SLC6A17: variants seen among roughly 807,000 people sequenced by gnomAD.
SLC6A17 encodes solute carrier family 6 member 17.
In SLC6A17, 21 loss-of-function variants were observed where a neutral mutation model predicts 64.5. The ratio of observed to expected loss-of-function variants is 0.33; its 90% CI spans 0.23 to 0.47. The LOEUF is 0.47. Among genes scored for constraint, SLC6A17 ranks in the 20% least tolerant of loss-of-function variants. The probability of loss-of-function intolerance (pLI) is 1.00; values close to 1 mark genes in which losing one functional copy is unlikely to be tolerated. For missense variants in SLC6A17, 682 were observed against 963.2 expected (o/e 0.71, Z 3.86); for synonymous variants, 372 against 399.5 (o/e 0.93, Z 0.82).
chr1:110,173,893 G>GAC, intron 3 of SLC6A17, 80 bp from the exon 4 acceptor site: 1 of 1,558,110 alleles, frequency 6.4e-7, no homozygotes, highest in Non-Finnish European at 8.7e-7. Context: ...CGCTGCCGAC[G>GAC]TGCTGGGCCT....
At chr1:110,175,091 G>T (rs1656339589) in intron 5 of SLC6A17, 131 bp downstream of exon 5, 1 of 1,170,428 alleles carries the variant, frequency 8.5e-7, no homozygotes, top group Non-Finnish European at 1.2e-6. Context: ...CCAGAGGAGG[G>T]TGTGGAAGTA....
At chr1:110,187,550 A>G (rs933837245) in intron 6 of SLC6A17, among the ~76,000 whole-genome samples, 2 of 152,240 alleles carry the variant, frequency 1.3e-5, no homozygotes, top group Non-Finnish European at 2.9e-5. Context: ...CTAAGGAGGC[A>G]GCTTTAGGCT....
intron 8 of SLC6A17, 30 bp from the exon 9 acceptor site, chr1:110,194,549 C>T: frequency 6.2e-7 from 1 of 1,606,348 alleles, no homozygotes; most frequent in Non-Finnish European, 8.5e-7. Context: ...GGGGTGACCT[C>T]ACAGGCCCTG....
At chr1:110,179,125 A>G in intron 6 of SLC6A17, among the ~76,000 whole-genome samples, 1 of 152,328 alleles carries the variant, frequency 6.6e-6, no homozygotes, top group East Asian at 1.9e-4. Context: ...ATCAGTTTTC[A>G]TGGATGCATA....
rs373976597 is a variant in SLC6A17, at chr1:110,194,568, C to G, written c.1300-11C>G. On this transcript the variant is annotated splice_polypyrimidine_tract_variant and intron_variant, in intron 8 of 11. Transcript: ENST00000331565. ...TGACCTCACAGGCCCTGCTTTCCAC[C>G]CCACCTTCAGTCCGTGCAGGGCACA... is the stretch of plus-strand genomic sequence containing the variant. The G allele has an allele frequency of 3.7e-6, 6 of 1,610,648 alleles. No homozygotes were observed. Among genetic ancestry groups the G allele is most frequent in the African/African-American group, 1.3e-5 (1 of 74,868 alleles).
chr1:110,175,562 T>C (rs1361371874), intron 5 of SLC6A17, among the ~76,000 whole-genome samples: 1 of 152,206 alleles, frequency 6.6e-6, no homozygotes, highest in South Asian at 2.1e-4. Flanking sequence ...ATGAGAAGGA[T>C]TGGATTAGAG....
At chr1:110,195,074 G>A (rs896081154) in intron 9 of SLC6A17, 6 of 468,222 alleles carry the variant, frequency 1.3e-5, no homozygotes, top group South Asian at 6.3e-5. Flanking sequence ...GTGCTGAGTC[G>A]TCTTGGGCAG....
At chr1:110,156,703 A>G (rs953501651) in intron 1 of SLC6A17, among the ~76,000 whole-genome samples, 5 of 152,200 alleles carry the variant, frequency 3.3e-5, no homozygotes, top group African/African-American at 7.2e-5. Context: ...GCTTGTCCCA[A>G]TAGGATGCTT....
At position 110,201,559 on chromosome 1, in the gene SLC6A17, C is replaced by T. The variant is rs62621393; in HGVS notation, c.*3115C>T. On this transcript the variant is annotated 3_prime_UTR_variant, in exon 12 of 12. Transcript: ENST00000331565. ...CTCCTCACTGAGGCAACATGAAGCC[C>T]GAGGCCCAGATGGGGGCTGAACAGG... is the stretch of plus-strand genomic sequence containing the variant. The T allele has an allele frequency of 0.084, 12,819 of 152,264 alleles. 570 individuals are homozygous for T. The highest frequency in any genetic ancestry group is 0.1 in the Non-Finnish European group (7,000 of 68,024). The allele number at this position is 152,264 out of a possible 1,614,324, so 9.4% of individuals were successfully genotyped here. A position where few individuals can be genotyped will look rare whatever the true frequency, so the allele number is the denominator to read the frequency against.
chr1:110,162,340 G>A (rs1302548930), intron 1 of SLC6A17, among the ~76,000 whole-genome samples: 1 of 152,336 alleles, frequency 6.6e-6, no homozygotes, highest in East Asian at 1.9e-4. Flanking sequence ...GTGGCTTCTT[G>A]CTCACACCCA....
At chr1:110,195,070 A>C (rs1015082652) in intron 9 of SLC6A17, 7 of 473,690 alleles carry the variant, frequency 1.5e-5, no homozygotes, top group Non-Finnish European at 2.7e-5. Context: ...GTGGGTGCTG[A>C]GTCGTCTTGG....
chr1:110,153,030 C>T (rs185419954), intron 1 of SLC6A17, among the ~76,000 whole-genome samples: 2 of 152,178 alleles, frequency 1.3e-5, no homozygotes, highest in Admixed American at 1.3e-4. Flanking sequence ...AATTGGGAAG[C>T]CTGCTTAAGA....
chr1:110,183,787 G>C (rs1656592495), intron 6 of SLC6A17, among the ~76,000 whole-genome samples: 2 of 152,088 alleles, frequency 1.3e-5, no homozygotes, highest in Admixed American at 1.3e-4. Context: ...CTGTGGGAAG[G>C]AGCTCTCTTC....
intron 1 of SLC6A17, among the ~76,000 whole-genome samples, chr1:110,158,099 C>A (rs4838930): frequency 2.6e-5 from 4 of 151,968 alleles, no homozygotes; most frequent in South Asian, 2.1e-4. Flanking sequence ...CTATTTGTCC[C>A]TCTGCACTAG....
At chr1:110,170,527 C>T (rs1342029984) in intron 2 of SLC6A17, among the ~76,000 whole-genome samples, 1 of 152,184 alleles carries the variant, frequency 6.6e-6, no homozygotes, top group Non-Finnish European at 1.5e-5. Flanking sequence ...CGTTTGCCTT[C>T]CTGCAGCAGA....
At chr1:110,160,856 G>A (rs893675409) in intron 1 of SLC6A17, among the ~76,000 whole-genome samples, 1 of 152,162 alleles carries the variant, frequency 6.6e-6, no homozygotes, top group Admixed American at 6.5e-5. Context: ...GTGGGGTGGC[G>A]TGGCATTTCT....
intron 6 of SLC6A17, among the ~76,000 whole-genome samples, chr1:110,180,062 A>G (rs1656481217): frequency 6.6e-6 from 1 of 152,194 alleles, no homozygotes; most frequent in Admixed American, 6.5e-5. Context: ...AGCCTGAGTA[A>G]CAATAGTGAA....
At chr1:110,188,687 C>T (rs1656749877) in intron 6 of SLC6A17, among the ~76,000 whole-genome samples, 3 of 152,182 alleles carry the variant, frequency 2.0e-5, no homozygotes, top group South Asian at 4.1e-4. Context: ...TTTCAAGACA[C>T]TCCATTGAAA....
intron 6 of SLC6A17, among the ~76,000 whole-genome samples, 167 bp downstream of exon 6, chr1:110,176,906 C>G (rs547533336): frequency 6.6e-6 from 1 of 152,200 alleles, no homozygotes; most frequent in African/African-American, 2.4e-5. Context: ...GGGCCCTGCC[C>G]TCCAGGTTCC....
Sources: gnomAD v4.1 joint callset for allele counts (sites outside exome capture counted in the v4.1 genomes callset) on GRCh38, gnomAD v4.1.1 for gene constraint, MANE v1.5 for transcripts, NCBI Gene and HGNC (gene_info 2026-07-23, HGNC 2026-07-21) for gene names.